DCHS2: variants seen among roughly 807,000 people sequenced by gnomAD.
The protein encoded by DCHS2 is dachsous cadherin-related 2, also known as protocadherin-23.
In DCHS2, 142 loss-of-function variants were observed where a neutral mutation model predicts 182.4. The ratio of observed to expected loss-of-function variants is 0.78; its 90% confidence interval spans 0.68 to 0.89. The LOEUF (loss-of-function observed/expected upper bound fraction) is 0.89. Ranked by LOEUF, DCHS2 falls within the 40% of genes least tolerant of loss-of-function variation. DCHS2 has a pLI of 0.00. For synonymous variants in DCHS2, 1,740 were observed against 1,663.3 expected, an observed-to-expected ratio of 1.05 and a Z score of -1.12; for missense variants, 4,319 against 4,198.6, an observed-to-expected ratio of 1.03 and a Z score of -0.79.
At chr4:154,237,826 A>G (rs1390874077) in intron 19 of DCHS2, among the ~76,000 whole-genome samples, 1 of 152,218 alleles carries the variant, frequency 6.6e-6, no homozygotes, top group Non-Finnish European at 1.5e-5. Flanking sequence ...TTTAAATGCC[A>G]TGTTTCAGTT....
intron 1 of DCHS2, among the ~76,000 whole-genome samples, chr4:154,457,335 C>A (rs1461318199): frequency 1.3e-5 from 2 of 152,136 alleles, no homozygotes; most frequent in South Asian, 4.1e-4. Flanking sequence ...TTTTCTAAAT[C>A]CATCAAGTCG....
At position 154,321,032 on chromosome 4, in the gene DCHS2, C is replaced by G. The variant is rs1561039658; in HGVS notation, c.4367G>C (p.Ser1456Thr). The change falls in exon 9 of 20, where the codon AGC becomes ACC. Residue 1456 changes from serine to threonine, a missense_variant. By Grantham distance (58) the Ser-to-Thr change is moderately conservative. Coordinates refer to ENST00000357232, the MANE Select transcript of DCHS2 (RefSeq NM_001358235.2). ...DDKDGHFEID[S>T]STGDLFLSKE... ...AGAAAGAAACAAGTCTCCGGTTGAG[C>G]TGTCTATTTCAAAGTGTCCATCCTT... The G allele has an allele frequency of 6.2e-7, 1 of 1,613,300 alleles. No individual in the cohort carries two copies. Among genetic ancestry groups the G allele is most frequent in the South Asian group, 1.1e-5 (1 of 90,964 alleles).
intron 1 of DCHS2, among the ~76,000 whole-genome samples, chr4:154,420,176 G>A (rs958629515): frequency 5.3e-5 from 8 of 151,994 alleles, no homozygotes; most frequent in African/African-American, 1.4e-4. Context: ...AGACCAGATG[G>A]AGAGAAGAAG....
chr4:154,305,284 A>G, intron 10 of DCHS2, 53 bp from the exon 11 acceptor site: 1 of 1,561,188 alleles, frequency 6.4e-7, no homozygotes, highest in Non-Finnish European at 8.7e-7. Flanking sequence ...AAATACATTT[A>G]TCCACTTTCC....
intron 1 of DCHS2, chr4:154,391,084 C>T (rs1731679918): frequency 8.3e-7 from 1 of 1,202,278 alleles, no homozygotes; most frequent in Non-Finnish European, 1.2e-6. Context: ...AATTCTTTGG[C>T]CAGTATGAAT....
At chr4:154,438,555 T>C (rs1015646564) in intron 1 of DCHS2, among the ~76,000 whole-genome samples, 1 of 152,186 alleles carries the variant, frequency 6.6e-6, no homozygotes, top group South Asian at 2.1e-4. Flanking sequence ...CAAGTTTAAT[T>C]TCCCATGGGT....
In DCHS2 at chr4:154,490,228, C is replaced by A; in HGVS notation, c.1128G>T (p.Gln376His). ...RVWRPLDREA[Q>H]AWHQLVVEAR... is the part of the protein sequence containing the mutation. ...CCTCCACCACCAACTGGTGCCAGGC[C>A]TGTGCCTCGCGGTCCAGAGGTCTCC... The change falls in exon 1 of 20, where the codon CAG (glutamine) becomes CAT (histidine). Residue 376 changes from glutamine to histidine, a missense_variant. Transcript: ENST00000357232. 6.5e-7 allele frequency: 1 copy of A among 1,549,762 alleles called. No homozygotes were observed.
chr4:154,318,022 A>C (rs933824074), intron 9 of DCHS2, among the ~76,000 whole-genome samples: 3 of 152,178 alleles, frequency 2.0e-5, no homozygotes, highest in Admixed American at 2.0e-4. Context: ...TTGATTTGTC[A>C]TACTGCTACC....
At chr4:154,310,098 T>C (rs1003788472) in intron 10 of DCHS2, among the ~76,000 whole-genome samples, 1 of 152,154 alleles carries the variant, frequency 6.6e-6, no homozygotes, top group Admixed American at 6.5e-5. Context: ...TAAATACCCA[T>C]AACCAGAGTC....
chr4:154,368,238 A>G (rs946207720), intron 2 of DCHS2, among the ~76,000 whole-genome samples: 4 of 152,112 alleles, frequency 2.6e-5, no homozygotes, highest in Admixed American at 6.5e-5. Context: ...TATAGAAAAT[A>G]TTCCTTCACC....
chr4:154,255,519 C>T lies in DCHS2; in HGVS notation c.6941G>A (p.Ser2314Asn), dbSNP rs769621013. Residue 2314 changes from serine (S) to asparagine (N), a missense_variant and splice_region_variant, in exon 16 of 20, where the codon AGC becomes AAC. Coordinates refer to ENST00000357232, the MANE Select transcript of DCHS2 (RefSeq NM_001358235.2). ...ILDYELTSSY[S>N]LIVQATDKGM... The stretch of plus-strand genomic sequence containing the variant: ...CAATGGATCTGAACCCTGGACCAAC[C>T]TGTAGGAGCTGGTGAGCTCGTAATC... 1.2e-6 allele frequency: 2 copies of T among 1,613,136 alleles called. No individual in the cohort carries two copies. Among genetic ancestry groups the T allele is most frequent in the Non-Finnish European group, 1.7e-6 (2 of 1,179,514 alleles).
intron 1 of DCHS2, among the ~76,000 whole-genome samples, chr4:154,463,176 C>T (rs932762965): frequency 4.4e-5 from 6 of 135,732 alleles, no homozygotes; most frequent in African/African-American, 1.6e-4. Context: ...TATATATATA[C>T]ACACACACAC....
intron 16 of DCHS2, among the ~76,000 whole-genome samples, chr4:154,252,772 A>C (rs1425235139): frequency 5.3e-5 from 8 of 151,980 alleles, no homozygotes. Flanking sequence ...GCTATTGTGA[A>C]TATTACTGCA....
At chr4:154,393,393 C>G (rs997923120) in intron 1 of DCHS2, among the ~76,000 whole-genome samples, 1 of 152,102 alleles carries the variant, frequency 6.6e-6, no homozygotes, top group African/African-American at 2.4e-5. Flanking sequence ...AAAAAATGGG[C>G]TTCATATTTT....
Position 154,489,306 on chromosome 4 carries a change from G to T in DCHS2, c.2050C>A (p.Gln684Lys), listed in dbSNP as rs555831183. Reference protein sequence around the residue: ...EHAPVGHCFLQVTASDADSGL... With the variant: ...EHAPVGHCFLKVTASDADSGL... ...GCCCACAGGCCTGATGCACTCACCT[G>T]CAGAAAGCAGTGTCCAACCGGGGCA... Residue 684 changes from glutamine (Q) to lysine (K), a missense_variant and splice_region_variant, in exon 1 of 20, where the codon CAG (glutamine) becomes AAG (lysine). Physicochemically the swap from Gln to Lys is moderately conservative, Grantham distance 53. Coordinates refer to ENST00000357232, the MANE Select transcript of DCHS2 (RefSeq NM_001358235.2). 291 of 1,513,362 alleles carry T rather than the reference G, an allele frequency of 1.9e-4. 2 individuals carry two copies. The African/African-American group carries it at 3.8e-3, about 20-fold the overall frequency. The allele number at this position is 1,513,362 out of a possible 1,614,324, so 93.7% of individuals were successfully genotyped here. A position where few individuals can be genotyped will look rare whatever the true frequency, so the allele number is the denominator to read the frequency against.
intron 1 of DCHS2, among the ~76,000 whole-genome samples, chr4:154,418,738 C>G: frequency 6.6e-6 from 1 of 152,072 alleles, no homozygotes; most frequent in East Asian, 1.9e-4. Flanking sequence ...AAAAGTGATT[C>G]ATAGTAAAAT....
At chr4:154,355,534 T>C (rs531475986) in intron 3 of DCHS2, 1 of 152,310 alleles carries the variant, frequency 6.6e-6, no homozygotes, top group South Asian at 2.1e-4. Flanking sequence ...GCTCTGCCTA[T>C]TTTATTCCTT....
At chr4:154,433,395 CTTTT>C (rs61553613) in intron 1 of DCHS2, among the ~76,000 whole-genome samples, 1 of 103,868 alleles carries the variant, frequency 9.6e-6, no homozygotes. Context: ...TTTTTTTTTC[CTTTT>C]TTTTTTTTTT....
chr4:154,453,739 C>A (rs1734639406), intron 1 of DCHS2, among the ~76,000 whole-genome samples: 1 of 152,144 alleles, frequency 6.6e-6, no homozygotes. Flanking sequence ...TATTCCTTCT[C>A]CCTTGTCCCT....
Sources: gnomAD v4.1 joint callset for allele counts (sites outside exome capture counted in the v4.1 genomes callset) on GRCh38, gnomAD v4.1.1 for gene constraint, MANE v1.5 for transcripts, NCBI Gene and HGNC (gene_info 2026-07-23, HGNC 2026-07-21) for gene names.